TTC3: variants seen among roughly 807,000 people sequenced by gnomAD.
The protein encoded by TTC3 is tetratricopeptide repeat domain 3.
In TTC3, 180 loss-of-function variants were observed where a neutral mutation model predicts 249.6. That is an observed-to-expected ratio of 0.72 (90% CI 0.64 to 0.82). The LOEUF (loss-of-function observed/expected upper bound fraction) is 0.82, where lower values mean the gene tolerates loss of function less well. TTC3 is among the 40% of genes least tolerant of loss of function. The pLI is 0.00. For missense variants in TTC3, 2,061 were observed against 2,398.4 expected (o/e 0.86, Z 2.94); for synonymous variants, 717 against 805.0 (o/e 0.89, Z 1.85).
chr21:37,124,825 C>A, intron 14 of TTC3, 83 bp downstream of exon 14: 3 of 1,493,336 alleles, frequency 2.0e-6, no homozygotes, highest in African/African-American at 1.4e-5. Flanking sequence ...GTAATAGAAA[C>A]CAAATTTTTG....
At chr21:37,095,866 A>G (rs927509845) in intron 9 of TTC3, among the ~76,000 whole-genome samples, 14 of 152,246 alleles carry the variant, frequency 9.2e-5, no homozygotes, top group African/African-American at 2.9e-4. Flanking sequence ...GAGAATGCAT[A>G]CATGCTCTCT....
At chr21:37,164,107 A>G (rs1032822004) in exon 32 of TTC3, 2 of 1,613,460 alleles carry the variant, frequency 1.2e-6, no homozygotes, top group South Asian at 2.2e-5. Flanking sequence ...CTTCGGCAAG[A>G]TGTAGAAGAA....
intron 27 of TTC3, among the ~76,000 whole-genome samples, chr21:37,154,620 C>T (rs1184163851): frequency 6.6e-6 from 1 of 152,206 alleles, no homozygotes; most frequent in Non-Finnish European, 1.5e-5. Flanking sequence ...CAGGTAAATG[C>T]AGCACTTGAG....
intron 10 of TTC3, among the ~76,000 whole-genome samples, chr21:37,104,917 G>A (rs989543847): frequency 6.6e-6 from 1 of 152,200 alleles, no homozygotes; most frequent in Admixed American, 6.5e-5. Context: ...AGTCACGGTT[G>A]AGACCCACTG....
intron 35 of TTC3, among the ~76,000 whole-genome samples, chr21:37,176,700 A>T (rs748225254): frequency 3.4e-4 from 51 of 152,176 alleles, no homozygotes; most frequent in Non-Finnish European, 6.5e-4. Flanking sequence ...AACAGTCCTT[A>T]TACAATAGTG....
At chr21:37,114,872 G>A (rs2075991795) in intron 11 of TTC3, among the ~76,000 whole-genome samples, 1 of 152,134 alleles carries the variant, frequency 6.6e-6, no homozygotes, top group African/African-American at 2.4e-5. Context: ...ATGAGTTCAT[G>A]TCCTTTGTAG....
intron 10 of TTC3, chr21:37,096,861 T>G (rs1172921470): frequency 2.4e-6 from 1 of 412,912 alleles, no homozygotes; most frequent in African/African-American, 2.0e-5. Context: ...AGCATTATTT[T>G]AAGTGCTTTG....
chr21:37,122,829 A>C lies in TTC3; in HGVS notation c.1064-154A>C, dbSNP rs143733703. Among the ~76,000 whole-genome samples, 223 of 152,328 alleles carry C rather than the reference A, an allele frequency of 1.5e-3. 2 individuals carry two copies. Among genetic ancestry groups the C allele is most frequent in the African/African-American group, 4.9e-3 (204 of 41,572 alleles). ...TTTGTTGACACCATCCTAAAACTAA[A>C]GACATCTAGAAATGTAAAATTGCTT... On this transcript the variant is annotated intron_variant, in intron 12 of 45. Coordinates refer to ENST00000355666, the Ensembl canonical transcript of TTC3.
intron 1 of TTC3, among the ~76,000 whole-genome samples, chr21:37,077,725 T>C (rs9975361): frequency 0.46 from 69,271 of 152,014 alleles, 16,304 homozygotes; most frequent in Non-Finnish European, 0.52. Flanking sequence ...ACTGTCTTTG[T>C]TTCCTTTTTA....
At chr21:37,158,380 T>A (rs1402656188) in intron 28 of TTC3, among the ~76,000 whole-genome samples, 1 of 152,244 alleles carries the variant, frequency 6.6e-6, no homozygotes, top group African/African-American at 2.4e-5. Context: ...TTTCTAGTCA[T>A]GAGGTCAGAA....
At chr21:37,146,701 G>A (rs1282839069) in intron 21 of TTC3, among the ~76,000 whole-genome samples, 1 of 152,154 alleles carries the variant, frequency 6.6e-6, no homozygotes, top group Non-Finnish European at 1.5e-5. Flanking sequence ...TGGAAGGTTA[G>A]GGGAAAATGA....
Position 37,122,864 on chromosome 21 carries a change from T to A in TTC3, c.1064-119T>A, listed in dbSNP as rs2076733598. On this transcript the variant is annotated intron_variant, in intron 12 of 45. Coordinates refer to ENST00000355666, the Ensembl canonical transcript of TTC3. ...AAATGTAAAATTGCTTAGATTTACT[T>A]TTCAGTTTTCTAAATTTGAGGTCCT... 7.1e-6 allele frequency: 7 copies of A among 988,056 alleles called. No homozygotes were observed. In the South Asian group the frequency reaches 1.1e-4, roughly 16 times the overall value. 61.2% of individuals were successfully genotyped at this position (988,056 alleles called of 1,614,324 possible). A position where few individuals can be genotyped will look rare whatever the true frequency, so the allele number is the denominator to read the frequency against.
At position 37,197,882 on chromosome 21, in the gene TTC3, C is replaced by A. The variant is rs1354155469; in HGVS notation, c.5707C>A (p.Pro1903Thr). 2.5e-6 allele frequency: 4 copies of A among 1,611,446 alleles called. No homozygotes were observed. In the African/African-American group the frequency reaches 5.4e-5, roughly 22 times the overall value. Residue 1903 changes from proline (P) to threonine (T), a missense_variant and splice_region_variant, in exon 44 of 46, where the codon CCA becomes ACA. Pro to Thr is a conservative substitution (Grantham distance 38, BLOSUM62 -1). Around this residue, in one of 3 missense-constraint regions of TTC3, gnomAD observed 1,040 missense variants for 1,186.1 expected, o/e 0.88. Transcript: ENST00000355666. ...CCCGCCACCCCTGTTATTTTCGCAG[C>A]CAAACCCAGGAAAGGACAAGAGGAC...
At chr21:37,201,457 T>G (rs1569214049) in exon 46 of TTC3, 1 of 1,613,908 alleles carries the variant, frequency 6.2e-7, no homozygotes, top group Non-Finnish European at 8.5e-7. Flanking sequence ...AGCAGTGGCT[T>G]AAAGGGCAGA....
intron 35 of TTC3, 62 bp from the exon 36 acceptor site, chr21:37,182,712 C>G: frequency 7.0e-7 from 1 of 1,438,096 alleles, no homozygotes; most frequent in Non-Finnish European, 9.3e-7. Context: ...TCTAGCCTTT[C>G]AGTCTCTTTT....
At chr21:37,143,018 G>A (rs1287395061) in intron 20 of TTC3, among the ~76,000 whole-genome samples, 1 of 152,190 alleles carries the variant, frequency 6.6e-6, no homozygotes, top group Non-Finnish European at 1.5e-5. Context: ...TTCAACAAAT[G>A]GTGCTGGGAA....
At chr21:37,189,092 T>G (rs2083659888) in intron 39 of TTC3, among the ~76,000 whole-genome samples, 2 of 152,122 alleles carry the variant, frequency 1.3e-5, no homozygotes, top group African/African-American at 4.8e-5. Flanking sequence ...AAATTTGGAA[T>G]GAAGATCACA....
At chr21:37,154,210 C>T (rs897490232) in intron 27 of TTC3, among the ~76,000 whole-genome samples, 4 of 152,302 alleles carry the variant, frequency 2.6e-5, no homozygotes, top group Admixed American at 6.5e-5. Context: ...AAGTACGCCA[C>T]GGGAAAAAGG....
intron 23 of TTC3, 67 bp downstream of exon 23, chr21:37,148,714 A>G (rs1210058419): frequency 9.5e-7 from 1 of 1,048,948 alleles, no homozygotes; most frequent in Admixed American, 2.7e-5. Flanking sequence ...TCCCCCAAGA[A>G]TTCCTTCCTG....
Sources: gnomAD v4.1 joint callset for allele counts (sites outside exome capture counted in the v4.1 genomes callset) on GRCh38, gnomAD v4.1.1 for gene constraint, gnomAD v4.1.1 regional missense constraint, MANE v1.5 for transcripts, NCBI Gene and HGNC (gene_info 2026-07-23, HGNC 2026-07-21) for gene names.